The following GALNT13 variants were observed in gnomAD, a reference collection of about 807,000 sequenced individuals.
GALNT13 encodes polypeptide N-acetylgalactosaminyltransferase 13.
In GALNT13, 28 loss-of-function variants were observed where a neutral mutation model predicts 64.2. The ratio of observed to expected loss-of-function variants is 0.44; its 90% confidence interval spans 0.32 to 0.60. The LOEUF is 0.60. Among genes scored for constraint, GALNT13 ranks in the 20% least tolerant of loss-of-function variants. The probability of loss-of-function intolerance (pLI) is 0.05; values close to 1 mark genes in which losing one functional copy is unlikely to be tolerated. For missense variants in GALNT13, 577 were observed against 669.8 expected (o/e 0.86, Z 1.53); for synonymous variants, 214 against 224.6 (o/e 0.95, Z 0.42).
chr2:153,632,176 G>A, the GALNT13 span, among the ~76,000 whole-genome samples: 2 of 152,050 alleles, frequency 1.3e-5, no homozygotes, highest in Non-Finnish European at 2.9e-5. Context: ...TTTACTACAA[G>A]TTTTTTCCTG....
chr2:154,231,586 T>A (rs1236006609), intron 4 of GALNT13, among the ~76,000 whole-genome samples: 1 of 151,844 alleles, frequency 6.6e-6, no homozygotes, highest in African/African-American at 2.4e-5. Context: ...GTTAGACTTT[T>A]CAAAACAAGT....
At chr2:154,374,657 CT>C (rs777478608) in intron 9 of GALNT13, among the ~76,000 whole-genome samples, 7 of 152,150 alleles carry the variant, frequency 4.6e-5, no homozygotes, top group Admixed American at 1.3e-4. Context: ...TTAGTTATGA[CT>C]TGTAAACACA....
At chr2:153,601,441 G>A in the GALNT13 span, among the ~76,000 whole-genome samples, 9 of 151,764 alleles carry the variant, frequency 5.9e-5, no homozygotes, top group East Asian at 1.7e-3. Context: ...TAAGGAATAT[G>A]ATAATATTTT....
At chr2:154,228,610 G>A (rs550124210) in intron 4 of GALNT13, among the ~76,000 whole-genome samples, 3 of 152,182 alleles carry the variant, frequency 2.0e-5, no homozygotes, top group Admixed American at 6.6e-5. Context: ...CAAGGAAGAA[G>A]GCTTTAATTG....
At chr2:154,009,748 C>T (rs929120358) in intron 3 of GALNT13, among the ~76,000 whole-genome samples, 1 of 152,068 alleles carries the variant, frequency 6.6e-6, no homozygotes, top group Non-Finnish European at 1.5e-5. Context: ...CCTCGGCCTC[C>T]CAAGGTATGA....
chr2:153,588,888 TG>T, the GALNT13 span, among the ~76,000 whole-genome samples: 3 of 152,202 alleles, frequency 2.0e-5, no homozygotes, highest in African/African-American at 2.4e-5. Flanking sequence ...TTCTGCAGGC[TG>T]GGGCATGGTG....
rs1701584229 is a variant in GALNT13 at position 154,446,517 on chromosome 2, C to A, written c.1531-3894C>A. On this transcript the variant is annotated intron_variant, in intron 12 of 12. Coordinates refer to ENST00000392825, the MANE Select transcript of GALNT13 (RefSeq NM_052917.4). ...GTTGCCTAGGATGATTGATTTATTA[C>A]TGTCTTTGTACTTGATTTTGTCATT... 2.0e-6 allele frequency: 3 copies of A among 1,472,046 alleles called. No homozygotes were observed. In the East Asian group the frequency reaches 7.5e-5, roughly 37 times the overall value. The allele number at this position is 1,472,046 out of a possible 1,614,324, so 91.2% of individuals were successfully genotyped here.
At chr2:153,810,036 C>G in the GALNT13 span, among the ~76,000 whole-genome samples, 15 of 152,336 alleles carry the variant, frequency 9.8e-5, no homozygotes, top group African/African-American at 3.1e-4. Context: ...TCTCGGTTCA[C>G]TGCAAGCTTC....
chr2:153,637,980 A>G, the GALNT13 span, among the ~76,000 whole-genome samples: 1 of 152,150 alleles, frequency 6.6e-6, no homozygotes, highest in Non-Finnish European at 1.5e-5. Flanking sequence ...GGGAGGGATT[A>G]AGGTGAGACG....
chr2:154,133,325 G>A (rs948855901), intron 3 of GALNT13, among the ~76,000 whole-genome samples: 16 of 151,524 alleles, frequency 1.1e-4, no homozygotes, highest in Non-Finnish European at 2.1e-4. Context: ...AAATTTAAAT[G>A]GTGATTTGCT....
At chr2:153,630,795 ATATATATATATATTTTTTTTTT>A in the GALNT13 span, among the ~76,000 whole-genome samples, 1 of 13,970 alleles carries the variant, frequency 7.2e-5, no homozygotes, top group South Asian at 3.8e-3. Flanking sequence ...ATATATATAT[ATATATATATATATTTTTTTTTT>A]TTTTTTTATT....
the GALNT13 span, among the ~76,000 whole-genome samples, chr2:153,792,243 TA>T: frequency 1.3e-5 from 2 of 152,134 alleles, no homozygotes; most frequent in Admixed American, 6.5e-5. Context: ...GGATTGAAAA[TA>T]TTTTTAAAAA....
intron 3 of GALNT13, among the ~76,000 whole-genome samples, chr2:154,035,886 A>G (rs974109960): frequency 6.6e-6 from 1 of 152,044 alleles, no homozygotes; most frequent in African/African-American, 2.4e-5. Flanking sequence ...TAAAGAATAA[A>G]TAATCTTTGA....
chr2:153,614,747 A>G, the GALNT13 span, among the ~76,000 whole-genome samples: 1 of 152,060 alleles, frequency 6.6e-6, no homozygotes, highest in Admixed American at 6.6e-5. Flanking sequence ...TTCATTTTTA[A>G]TTATTGTGGG....
intron 1 of GALNT13, among the ~76,000 whole-genome samples, chr2:153,875,480 G>A (rs189056267): frequency 6.6e-6 from 1 of 152,264 alleles, no homozygotes; most frequent in Admixed American, 6.5e-5. Flanking sequence ...TTACTGGGCA[G>A]TCATTTCAGT....
At chr2:153,288,090 G>A in the GALNT13 span, among the ~76,000 whole-genome samples, 3 of 152,148 alleles carry the variant, frequency 2.0e-5, no homozygotes, top group African/African-American at 7.2e-5. Context: ...ACCCATCACA[G>A]TTAAAAATGA....
the GALNT13 span, among the ~76,000 whole-genome samples, chr2:153,168,812 C>T: frequency 6.6e-6 from 1 of 152,158 alleles, no homozygotes; most frequent in African/African-American, 2.4e-5. Flanking sequence ...AAACTTCTTA[C>T]CATATTGTTG....
At chr2:153,853,476 T>A in the GALNT13 span, among the ~76,000 whole-genome samples, 2 of 152,126 alleles carry the variant, frequency 1.3e-5, no homozygotes, top group African/African-American at 4.8e-5. Flanking sequence ...AAATAAATTG[T>A]CATATAAATT....
At chr2:154,227,323 TTC>T (rs1326642676) in intron 4 of GALNT13, among the ~76,000 whole-genome samples, 2 of 152,054 alleles carry the variant, frequency 1.3e-5, no homozygotes, top group Non-Finnish European at 2.9e-5. Context: ...GGGCACATTT[TTC>T]TTTTTTTCTT....
Sources: gnomAD v4.1 joint callset for allele counts (sites outside exome capture counted in the v4.1 genomes callset) on GRCh38, gnomAD v4.1.1 for gene constraint, MANE v1.5 for transcripts, NCBI Gene and HGNC (gene_info 2026-07-23, HGNC 2026-07-21) for gene names.